Variants in FSTL5 observed in about 807,000 individuals in gnomAD.
FSTL5 encodes the protein follistatin like 5.
A neutral mutation model predicts 89.1 loss-of-function variants in FSTL5; 62 were observed. The ratio of observed to expected loss-of-function variants is 0.70; its 90% CI spans 0.57 to 0.86. The LOEUF is 0.86. FSTL5 is among the 40% of genes least tolerant of loss of function. The pLI is 0.00. For missense variants in FSTL5, 1,057 were observed against 1,001.6 expected (o/e 1.06, Z -0.75); for synonymous variants, 383 against 346.2 (o/e 1.11, Z -1.18).
At chr4:161,744,310 T>C (rs969838267) in intron 6 of FSTL5, among the ~76,000 whole-genome samples, 2 of 152,092 alleles carry the variant, frequency 1.3e-5, no homozygotes, top group African/African-American at 4.8e-5. Flanking sequence ...TCAACACTTA[T>C]ACATAGATTT....
chr4:161,597,338 T>C (rs916286537), intron 7 of FSTL5, among the ~76,000 whole-genome samples: 1 of 151,830 alleles, frequency 6.6e-6, no homozygotes, highest in Non-Finnish European at 1.5e-5. Context: ...ATCAGATAGT[T>C]GTAAGCTGGA....
intron 4 of FSTL5, among the ~76,000 whole-genome samples, chr4:161,784,403 T>C (rs1405054268): frequency 2.0e-5 from 3 of 152,072 alleles, no homozygotes; most frequent in African/African-American, 7.2e-5. Flanking sequence ...TTTGACCTTT[T>C]TTTAAAAAAA....
chr4:161,485,464 C>A (rs976151925), intron 12 of FSTL5, among the ~76,000 whole-genome samples: 1 of 152,100 alleles, frequency 6.6e-6, no homozygotes, highest in African/African-American at 2.4e-5. Context: ...CCGCTGTCAC[C>A]TTCTAGGAAA....
intron 4 of FSTL5, among the ~76,000 whole-genome samples, chr4:161,862,172 T>C (rs732224): frequency 0.48 from 73,461 of 152,072 alleles, 17,984 homozygotes; most frequent in Non-Finnish European, 0.49. Flanking sequence ...TGATACTTCA[T>C]CATTGCTTTT....
At chr4:162,117,012 T>C (rs986932117) in intron 1 of FSTL5, among the ~76,000 whole-genome samples, 4 of 152,178 alleles carry the variant, frequency 2.6e-5, no homozygotes, top group African/African-American at 9.7e-5. Flanking sequence ...CTTACAAAGA[T>C]GTAAAAGAAA....
Position 161,558,256 on chromosome 4 carries a change from G to A in FSTL5, c.1016-15563C>T, listed in dbSNP as rs953955895. 2.0e-5 allele frequency among the ~76,000 whole-genome samples: 3 copies of A among 151,810 alleles called. No individual in the cohort carries two copies. The South Asian group carries it at 6.2e-4, about 31-fold the overall frequency. ...AGTTAATGAGTTGGTGGGAGTAGGA[G>A]AGAGCTCAGTGTGGCTCCAAAAGGG... is the stretch of plus-strand genomic sequence containing the variant. On this transcript the variant is annotated intron_variant, in intron 8 of 15. Coordinates refer to ENST00000306100, the MANE Select transcript of FSTL5 (RefSeq NM_020116.5).
chr4:161,556,583 A>G (rs528704172), intron 8 of FSTL5, among the ~76,000 whole-genome samples: 11 of 151,708 alleles, frequency 7.3e-5, no homozygotes, highest in Non-Finnish European at 8.9e-5. Context: ...TGAGGAAAGA[A>G]TAAGACAACA....
Position 162,103,059 on chromosome 4 carries a change from T to C in FSTL5, c.126+8212A>G, listed in dbSNP as rs190569429. Among the ~76,000 whole-genome samples, 24 of 152,228 alleles carry C rather than the reference T, an allele frequency of 1.6e-4. 1 individual carries two copies. In the East Asian group the frequency reaches 3.5e-3, roughly 22 times the overall value. ...TTTTTGCATACCACCTACAGATCTA[T>C]AATAATCATATTGTTTTGGGGACTC... On this transcript the variant is annotated intron_variant, in intron 2 of 15. Coordinates refer to ENST00000306100, the MANE Select transcript of FSTL5 (RefSeq NM_020116.5).
chr4:162,153,195 A>G (rs6818761), intron 1 of FSTL5, among the ~76,000 whole-genome samples: 152,019 of 152,178 alleles, frequency 1, 75,930 homozygotes, highest in Middle Eastern at 1. Flanking sequence ...AAAGTCCCTG[A>G]GGTTTACTAA....
At chr4:161,581,755 C>T (rs1463475100) in intron 8 of FSTL5, among the ~76,000 whole-genome samples, 6 of 152,144 alleles carry the variant, frequency 3.9e-5, no homozygotes, top group African/African-American at 1.4e-4. Context: ...TTTCTTATTT[C>T]AGTAGAAAAC....
At chr4:162,141,411 G>T (rs1393273049) in intron 1 of FSTL5, among the ~76,000 whole-genome samples, 2 of 89,152 alleles carry the variant, frequency 2.2e-5, no homozygotes, top group African/African-American at 3.7e-5. Flanking sequence ...CACCGCGCCC[G>T]GCCTCCCTTC....
At chr4:162,072,121 A>C (rs1024026797) in intron 2 of FSTL5, among the ~76,000 whole-genome samples, 2 of 151,822 alleles carry the variant, frequency 1.3e-5, no homozygotes, top group African/African-American at 4.8e-5. Flanking sequence ...GTTTTAAATC[A>C]AATGGCAGGC....
intron 1 of FSTL5, among the ~76,000 whole-genome samples, chr4:162,155,986 A>G (rs1733454436): frequency 6.6e-6 from 1 of 152,210 alleles, no homozygotes; most frequent in African/African-American, 2.4e-5. Flanking sequence ...TTTAATCAAG[A>G]GAAATCCAGA....
intron 15 of FSTL5, among the ~76,000 whole-genome samples, chr4:161,409,133 A>C (rs1731499636): frequency 6.6e-6 from 1 of 152,130 alleles, no homozygotes; most frequent in African/African-American, 2.4e-5. Flanking sequence ...GGTCAATGCA[A>C]AAGAAAAAAC....
intron 6 of FSTL5, among the ~76,000 whole-genome samples, chr4:161,751,915 A>G (rs945593619): frequency 6.6e-6 from 1 of 152,206 alleles, no homozygotes; most frequent in African/African-American, 2.4e-5. Context: ...TCATATTATA[A>G]TGATCTGTAT....
At chr4:161,510,633 T>C (rs963774875) in intron 10 of FSTL5, among the ~76,000 whole-genome samples, 12 of 151,808 alleles carry the variant, frequency 7.9e-5, no homozygotes, top group African/African-American at 2.7e-4. Flanking sequence ...TTTTTTGATA[T>C]AGCCAATTCT....
chr4:161,833,231 C>G (rs1475772379), intron 4 of FSTL5, among the ~76,000 whole-genome samples: 5 of 152,010 alleles, frequency 3.3e-5, no homozygotes, highest in Non-Finnish European at 7.4e-5. Flanking sequence ...TTTGATTGCA[C>G]TGTGGTCTGA....
intron 12 of FSTL5, among the ~76,000 whole-genome samples, chr4:161,492,746 T>C (rs935046698): frequency 6.6e-6 from 1 of 152,186 alleles, no homozygotes; most frequent in Non-Finnish European, 1.5e-5. Flanking sequence ...GTACTTAAAA[T>C]ACGAATGATA....
intron 15 of FSTL5, among the ~76,000 whole-genome samples, chr4:161,427,503 G>C (rs561190971): frequency 1.3e-5 from 2 of 152,120 alleles, no homozygotes; most frequent in African/African-American, 4.8e-5. Flanking sequence ...TAGACTCTAC[G>C]TCAGTCTAAG....
Sources: gnomAD v4.1 joint callset for allele counts (sites outside exome capture counted in the v4.1 genomes callset) on GRCh38, gnomAD v4.1.1 for gene constraint, MANE v1.5 for transcripts, NCBI Gene and HGNC (gene_info 2026-07-23, HGNC 2026-07-21) for gene names.